The following FOXP1 variants were observed in gnomAD, a reference collection of about 807,000 sequenced individuals.
The protein encoded by FOXP1 is forkhead box protein P1.
A neutral mutation model predicts 98.2 loss-of-function variants in FOXP1; 15 were observed. The observed-to-expected ratio is 0.15, with a 90% CI of 0.10 to 0.24. FOXP1 has a LOEUF of 0.24. FOXP1 is among the 10% of genes least tolerant of loss of function. FOXP1 has a pLI of 1.00. For synonymous variants in FOXP1, 371 were observed against 314.5 expected (o/e 1.18, Z -1.90); for missense variants, 633 against 848.5 (o/e 0.75, Z 3.15).
intron 6 of FOXP1, among the ~76,000 whole-genome samples, chr3:71,149,689 A>T (rs142498943): frequency 6.6e-6 from 1 of 152,360 alleles, no homozygotes; most frequent in African/African-American, 2.4e-5. Flanking sequence ...TTATGCCTCC[A>T]TCTAATTCAG....
chr3:71,233,674 T>TGCCTCG (rs1348875872), intron 5 of FOXP1, among the ~76,000 whole-genome samples: 1 of 148,280 alleles, frequency 6.7e-6, no homozygotes, highest in African/African-American at 2.5e-5. Flanking sequence ...ATGATCTGCC[T>TGCCTCG]GCCTCGGCCT....
At chr3:71,458,608 C>A (rs2087725396) in intron 3 of FOXP1, among the ~76,000 whole-genome samples, 1 of 152,170 alleles carries the variant, frequency 6.6e-6, no homozygotes, top group Admixed American at 6.5e-5. Flanking sequence ...ATTTACCTAT[C>A]CATTTAGCAA....
chr3:70,967,704 T>TG (rs1559586164), intron 19 of FOXP1, among the ~76,000 whole-genome samples: 28 of 101,608 alleles, frequency 2.8e-4, no homozygotes, highest in African/African-American at 6.8e-4. Flanking sequence ...TTTTTTGTTT[T>TG]TTTTTGTTTT....
intron 2 of FOXP1, among the ~76,000 whole-genome samples, chr3:71,539,918 GC>G (rs1483549544): frequency 6.6e-6 from 1 of 152,188 alleles, no homozygotes; most frequent in Non-Finnish European, 1.5e-5. Context: ...CTTCATGAGA[GC>G]ACAAATAGTG....
At chr3:71,044,487 C>A (rs1021642845) in intron 10 of FOXP1, among the ~76,000 whole-genome samples, 2 of 152,144 alleles carry the variant, frequency 1.3e-5, no homozygotes, top group Non-Finnish European at 2.9e-5. Flanking sequence ...AAAAACAACA[C>A]AAAATATCCC....
At chr3:71,127,633 G>A (rs1226055997) in intron 6 of FOXP1, among the ~76,000 whole-genome samples, 2 of 152,186 alleles carry the variant, frequency 1.3e-5, no homozygotes, top group African/African-American at 4.8e-5. Flanking sequence ...AGGAAAAAAT[G>A]CTTCTCATGA....
At chr3:71,417,918 C>T (rs1038351392) in intron 3 of FOXP1, among the ~76,000 whole-genome samples, 1 of 152,086 alleles carries the variant, frequency 6.6e-6, no homozygotes, top group African/African-American at 2.4e-5. Context: ...TAGACAAACA[C>T]CCCCGAGAAG....
Position 71,022,214 on chromosome 3 carries a change from A to T in FOXP1, c.870-6561T>A, listed in dbSNP as rs377750975. On this transcript the variant is annotated intron_variant, in intron 11 of 20. Transcript: ENST00000649528. ...TGATAAAAACACTACTCTATCCCCAATGAATGGTTTGATAAAAGTATCAAA... is the reference window on the plus strand; with the variant it reads ...TGATAAAAACACTACTCTATCCCCATTGAATGGTTTGATAAAAGTATCAAA... 4.2e-4 allele frequency among the ~76,000 whole-genome samples: 64 copies of T among 152,280 alleles called. 3 individuals are homozygous for T. The highest frequency in any genetic ancestry group is 3.5e-3 in the East Asian group (18 of 5,184).
At chr3:71,125,287 C>T (rs2059085564) in intron 6 of FOXP1, among the ~76,000 whole-genome samples, 1 of 152,140 alleles carries the variant, frequency 6.6e-6, no homozygotes, top group African/African-American at 2.4e-5. Context: ...GTCAAGGTCA[C>T]GCAGCCTGGA....
upstream of FOXP1, chr3:71,583,763 T>A: frequency 1.0e-6 from 1 of 985,604 alleles, no homozygotes; most frequent in Non-Finnish European, 1.2e-6. Flanking sequence ...TAACAATAGA[T>A]TCCTCCGCTC....
chr3:71,047,704 C>G (rs999776921), intron 9 of FOXP1, among the ~76,000 whole-genome samples: 1 of 152,200 alleles, frequency 6.6e-6, no homozygotes, highest in African/African-American at 2.4e-5. Flanking sequence ...CAAACAACAT[C>G]GTACTCGACT....
intron 2 of FOXP1, among the ~76,000 whole-genome samples, chr3:71,497,059 G>A (rs1024788635): frequency 6.6e-6 from 1 of 151,326 alleles, no homozygotes; most frequent in Admixed American, 6.6e-5. Flanking sequence ...ATACTTAACT[G>A]TTCTGAACTC....
In FOXP1 at chr3:71,272,124, C is replaced by T. The variant is rs116475689; in HGVS notation, c.-12+27696G>A. Among the ~76,000 whole-genome samples, 1,383 of 152,150 alleles carry T rather than the reference C, an allele frequency of 9.1e-3. 22 individuals are homozygous for T. The highest frequency in any genetic ancestry group is 0.032 in the African/African-American group (1,322 of 41,472). On this transcript the variant is annotated intron_variant, in intron 5 of 20. Coordinates refer to ENST00000649528, the MANE Select transcript of FOXP1 (RefSeq NM_001349338.3). Reference sequence around the variant, plus strand: ...ATTTTAGAGTGACTTGAAGATAAGGCATACACCCAAAAAACAACCACCGAA... The same window carrying T: ...ATTTTAGAGTGACTTGAAGATAAGGTATACACCCAAAAAACAACCACCGAA...
chr3:71,038,756 T>C (rs1369929587), intron 11 of FOXP1, among the ~76,000 whole-genome samples: 1 of 151,792 alleles, frequency 6.6e-6, no homozygotes. Flanking sequence ...CTCAAACTCT[T>C]GGGCTCAAAT....
chr3:70,967,700 G>GTTTTT (rs1553657848), intron 19 of FOXP1, among the ~76,000 whole-genome samples: 31 of 63,638 alleles, frequency 4.9e-4, no homozygotes, highest in Non-Finnish European at 5.6e-4. Flanking sequence ...TTTTTTTTTT[G>GTTTTT]TTTTTTTTTG....
chr3:71,176,740 T>C (rs1240865856), intron 6 of FOXP1, among the ~76,000 whole-genome samples: 1 of 62,658 alleles, frequency 1.6e-5, no homozygotes, highest in Non-Finnish European at 2.6e-5. Context: ...CAAGAGGCTA[T>C]CTCAAAAAAA....
chr3:71,320,738 T>C, intron 4 of FOXP1, among the ~76,000 whole-genome samples: 1 of 152,218 alleles, frequency 6.6e-6, no homozygotes, highest in East Asian at 1.9e-4. Flanking sequence ...GTAAACAACG[T>C]TAACGGCAAC....
intron 7 of FOXP1, among the ~76,000 whole-genome samples, chr3:71,086,786 T>G (rs2055149796): frequency 6.6e-6 from 1 of 152,226 alleles, no homozygotes; most frequent in East Asian, 1.9e-4. Context: ...GCGATTTGCT[T>G]GATCCATCAC....
rs190068348 is a variant in FOXP1, at chr3:71,199,918, A to G, written c.-11-1526T>C. Among the ~76,000 whole-genome samples, 482 of 151,858 alleles carry G rather than the reference A, an allele frequency of 3.2e-3. 3 individuals carry two copies. The highest frequency in any genetic ancestry group is 3.8e-3 in the Non-Finnish European group (258 of 67,944). ...TGGTGAAACCCTGCCTCTACTAAAAATACAAAAATTAGCTGGACATGGTGG... is the reference window on the plus strand; with the variant it reads ...TGGTGAAACCCTGCCTCTACTAAAAGTACAAAAATTAGCTGGACATGGTGG... On this transcript the variant is annotated intron_variant, in intron 5 of 20. Coordinates refer to ENST00000649528, the MANE Select transcript of FOXP1 (RefSeq NM_001349338.3).
Sources: gnomAD v4.1 joint callset for allele counts (sites outside exome capture counted in the v4.1 genomes callset) on GRCh38, gnomAD v4.1.1 for gene constraint, MANE v1.5 for transcripts, NCBI Gene and HGNC (gene_info 2026-07-23, HGNC 2026-07-21) for gene names.